Variants in PTPRN2 observed in about 807,000 individuals in gnomAD.
PTPRN2 encodes protein tyrosine phosphatase receptor type N2.
Under a neutral mutation model 118.8 loss-of-function variants are expected in PTPRN2, and 74 were observed. The ratio of observed to expected loss-of-function variants is 0.62; its 90% CI spans 0.52 to 0.76. The LOEUF (loss-of-function observed/expected upper bound fraction) is 0.76. PTPRN2 is among the 30% of genes least tolerant of loss of function. PTPRN2 has a pLI of 0.00. For missense variants in PTPRN2, 1,481 were observed against 1,394.4 expected (o/e 1.06, Z -0.99); for synonymous variants, 641 against 608.0 (o/e 1.05, Z -0.80).
chr7:157,685,340 C>T (rs1797130821), intron 12 of PTPRN2, among the ~76,000 whole-genome samples: 1 of 152,066 alleles, frequency 6.6e-6, no homozygotes, highest in South Asian at 2.1e-4. Context: ...AACCTTCCTG[C>T]CCCGCGCCGT....
rs1479059122 is a variant in PTPRN2 at position 158,268,831 on chromosome 7, G to A, written c.277+47988C>T. Among the ~76,000 whole-genome samples the A allele has an allele frequency of 2.8e-5, 4 of 140,704 alleles. 1 individual carries two copies. The highest frequency in any genetic ancestry group is 5.5e-5 in the African/African-American group (2 of 36,436). 92.3% of individuals were successfully genotyped at this position (140,704 alleles called of 152,430 possible). A position where few individuals can be genotyped will look rare whatever the true frequency, so the allele number is the denominator to read the frequency against. ...TATCCCAGCCGCACGCACACAGGGTGGGTGTGAAATATCCCAGCCGCACAC... is the reference window on the plus strand; with the variant it reads ...TATCCCAGCCGCACGCACACAGGGTAGGTGTGAAATATCCCAGCCGCACAC... On this transcript the variant is annotated intron_variant, in intron 3 of 22. Transcript: ENST00000389418.
intron 11 of PTPRN2, among the ~76,000 whole-genome samples, chr7:157,967,334 T>C (rs193115074): frequency 6.6e-6 from 1 of 152,234 alleles, no homozygotes; most frequent in East Asian, 1.9e-4. Context: ...ACAAACTTAT[T>C]GTTCTGCAGG....
chr7:158,483,777 T>C (rs1431132608), intron 2 of PTPRN2, among the ~76,000 whole-genome samples: 1 of 152,242 alleles, frequency 6.6e-6, no homozygotes, highest in Non-Finnish European at 1.5e-5. Context: ...CTCAGTTCTT[T>C]TTTCTTTCTT....
intron 3 of PTPRN2, among the ~76,000 whole-genome samples, chr7:158,270,446 G>A (rs930120650): frequency 1.3e-5 from 2 of 152,142 alleles, no homozygotes; most frequent in Non-Finnish European, 2.9e-5. Context: ...CCTTCACAGA[G>A]GGTGATCCTA....
intron 12 of PTPRN2, among the ~76,000 whole-genome samples, chr7:157,738,837 C>T (rs1800457888): frequency 6.6e-6 from 1 of 152,022 alleles, no homozygotes; most frequent in African/African-American, 2.4e-5. Context: ...TTAGGATGCT[C>T]ACAGGTCAAA....
At chr7:157,634,994 G>A (rs188924457) in intron 14 of PTPRN2, among the ~76,000 whole-genome samples, 64 of 152,332 alleles carry the variant, frequency 4.2e-4, no homozygotes, top group African/African-American at 1.5e-3. Flanking sequence ...CGAGTGTGAC[G>A]TTAAGTCCAG....
chr7:158,210,820 A>G (rs1433009091), intron 3 of PTPRN2, among the ~76,000 whole-genome samples: 1 of 152,208 alleles, frequency 6.6e-6, no homozygotes, highest in Non-Finnish European at 1.5e-5. Context: ...TTGAAGCTGT[A>G]ATAAAGTCTC....
At chr7:157,870,498 A>G (rs1275302720) in intron 12 of PTPRN2, among the ~76,000 whole-genome samples, 3 of 152,160 alleles carry the variant, frequency 2.0e-5, no homozygotes. Context: ...TCTTCCTTCA[A>G]TTTTAGCAGA....
intron 6 of PTPRN2, among the ~76,000 whole-genome samples, chr7:158,164,613 G>A (rs13312556): frequency 0.63 from 95,888 of 151,122 alleles, 31,162 homozygotes; most frequent in East Asian, 0.78. Context: ...ACCCTCACCC[G>A]GCTCTCCAGC....
intron 21 of PTPRN2, among the ~76,000 whole-genome samples, chr7:157,565,776 T>C (rs189646662): frequency 6.6e-6 from 1 of 152,196 alleles, no homozygotes; most frequent in East Asian, 1.9e-4. Flanking sequence ...GAAAAAAACA[T>C]GTTTTGCTAC....
At chr7:157,624,168 C>A (rs1181724535) in intron 14 of PTPRN2, among the ~76,000 whole-genome samples, 1 of 152,120 alleles carries the variant, frequency 6.6e-6, no homozygotes, top group Non-Finnish European at 1.5e-5. Context: ...CGCCTATAAT[C>A]CTAGCACTTT....
At chr7:158,419,548 T>C (rs1233058032) in intron 2 of PTPRN2, among the ~76,000 whole-genome samples, 2 of 152,158 alleles carry the variant, frequency 1.3e-5, no homozygotes, top group Non-Finnish European at 2.9e-5. Context: ...GGCTGCTCTC[T>C]TTCCCATTCC....
intron 17 of PTPRN2, among the ~76,000 whole-genome samples, chr7:157,584,944 G>A (rs561540837): frequency 2.6e-5 from 4 of 152,312 alleles, no homozygotes; most frequent in South Asian, 2.1e-4. Flanking sequence ...CAGGCTCCAG[G>A]CCACAGCACG....
rs1798531488 is a variant in PTPRN2, at chr7:157,550,327, C to T, written c.2903-1308G>A. 6.6e-6 allele frequency among the ~76,000 whole-genome samples: 1 copy of T among 151,916 alleles called. No individual in the cohort carries two copies. The highest frequency in any genetic ancestry group is 2.4e-5 in the African/African-American group (1 of 41,384). ...GTCACAGCAGGTGCCTGCGAAGCAC[C>T]TCCAAGTCAGAACTGCGGGCAGCTA... On this transcript the variant is annotated intron_variant, in intron 21 of 22. Coordinates refer to ENST00000389418, the MANE Select transcript of PTPRN2 (RefSeq NM_002847.5). The surrounding 1 kb of genome is among the most constrained non-coding windows in gnomAD (Gnocchi z 5.2).
intron 2 of PTPRN2, among the ~76,000 whole-genome samples, chr7:158,433,343 T>C (rs900092734): frequency 6.6e-6 from 1 of 152,242 alleles, no homozygotes; most frequent in Non-Finnish European, 1.5e-5. Context: ...AAGACAGATA[T>C]ATTCAGCTTC....
chr7:158,571,502 C>CA (rs869132079), intron 1 of PTPRN2, among the ~76,000 whole-genome samples: 2,020 of 91,386 alleles, frequency 0.022, 74 homozygotes, highest in African/African-American at 0.073. Flanking sequence ...CAAAAAAAAA[C>CA]AAAAAAAAAC....
intron 6 of PTPRN2, among the ~76,000 whole-genome samples, chr7:158,148,528 C>T (rs534988016): frequency 9.5e-4 from 90 of 95,190 alleles, no homozygotes; most frequent in Non-Finnish European, 1.4e-3. Context: ...CCCCATCTCA[C>T]GCCACAGGTC....
intron 11 of PTPRN2, among the ~76,000 whole-genome samples, chr7:158,042,491 G>C (rs1034717335): frequency 1.3e-5 from 2 of 152,212 alleles, no homozygotes; most frequent in African/African-American, 4.8e-5. Flanking sequence ...TATTCAGAAA[G>C]AGATGAGAGA....
At chr7:158,006,559 A>G (rs1480712185) in intron 11 of PTPRN2, among the ~76,000 whole-genome samples, 3 of 152,302 alleles carry the variant, frequency 2.0e-5, no homozygotes, top group East Asian at 1.9e-4. Context: ...ATGCAGACAC[A>G]CTTATCACTC....
Sources: gnomAD v4.1 joint callset for allele counts (sites outside exome capture counted in the v4.1 genomes callset) on GRCh38, gnomAD v4.1.1 for gene constraint, Gnocchi (gnomAD v3.1) non-coding constraint, MANE v1.5 for transcripts, NCBI Gene and HGNC (gene_info 2026-07-23, HGNC 2026-07-21) for gene names.